CSMD1: variants seen among roughly 807,000 people sequenced by gnomAD.
CSMD1 encodes the protein CUB and sushi domain-containing protein 1.
Under a neutral mutation model 417.5 loss-of-function variants are expected in CSMD1, and 213 were observed. That is an observed-to-expected ratio of 0.51 (90% CI 0.46 to 0.57). The LOEUF (loss-of-function observed/expected upper bound fraction) is 0.57, where lower values mean the gene tolerates loss of function less well. Ranked by LOEUF, CSMD1 falls within the 20% of genes least tolerant of loss-of-function variation. The pLI, the probability that CSMD1 is intolerant of heterozygous loss-of-function variation, is 0.00. For synonymous variants in CSMD1, 2,862 were observed against 1,736.8 expected, an observed-to-expected ratio of 1.65 and a Z score of -16.11; for missense variants, 6,923 against 4,529.7, an observed-to-expected ratio of 1.53 and a Z score of -15.17.
intron 7 of CSMD1, among the ~76,000 whole-genome samples, chr8:3,679,965 T>C (rs1015967085): frequency 2.0e-5 from 3 of 152,024 alleles, no homozygotes; most frequent in African/African-American, 4.8e-5. Context: ...AAGGCAGAAA[T>C]AAAGATGTTC....
intron 9 of CSMD1, among the ~76,000 whole-genome samples, chr8:3,579,069 C>T (rs551645736): frequency 3.9e-5 from 6 of 152,272 alleles, no homozygotes; most frequent in South Asian, 2.1e-4. Context: ...ATAATAACTA[C>T]GACCTAATGT....
chr8:4,950,318 T>C (rs1469471678), intron 1 of CSMD1, among the ~76,000 whole-genome samples: 1 of 152,172 alleles, frequency 6.6e-6, no homozygotes, highest in Admixed American at 6.5e-5. Context: ...TTTTCTCAAG[T>C]GACATTTGCA....
At chr8:3,843,669 G>A (rs1025313701) in intron 5 of CSMD1, among the ~76,000 whole-genome samples, 4 of 152,202 alleles carry the variant, frequency 2.6e-5, no homozygotes, top group Admixed American at 2.6e-4. Flanking sequence ...AGGCCACGGA[G>A]TGAGTGACGG....
intron 1 of CSMD1, among the ~76,000 whole-genome samples, chr8:4,971,256 T>C (rs926881405): frequency 3.9e-5 from 6 of 152,214 alleles, no homozygotes; most frequent in Middle Eastern, 3.4e-3. Context: ...AAAAATTATT[T>C]TATATAAGCC....
intron 3 of CSMD1, among the ~76,000 whole-genome samples, chr8:4,061,998 G>A (rs964944230): frequency 3.3e-5 from 5 of 152,130 alleles, no homozygotes; most frequent in Non-Finnish European, 5.9e-5. Context: ...CCCTGTCTGA[G>A]AGGTCAAGGT....
intron 4 of CSMD1, among the ~76,000 whole-genome samples, chr8:4,006,548 A>T (rs1307223839): frequency 4.6e-5 from 7 of 152,102 alleles, no homozygotes; most frequent in African/African-American, 1.7e-4. Flanking sequence ...GCCTCAGAAT[A>T]AATAAATAAA....
At chr8:4,694,612 C>G (rs780526233) in intron 1 of CSMD1, among the ~76,000 whole-genome samples, 1 of 151,994 alleles carries the variant, frequency 6.6e-6, no homozygotes, top group Non-Finnish European at 1.5e-5. Flanking sequence ...ACCTGCCCAC[C>G]TCAGCCTTCC....
At position 3,052,377 on chromosome 8, in the gene CSMD1, T is replaced by C. The variant is rs985059012; in HGVS notation, c.7660+85A>G. The C allele has an allele frequency of 6.9e-6, 7 of 1,016,578 alleles. No individual in the cohort carries two copies. In the African/African-American group the frequency reaches 8.1e-5, roughly 12 times the overall value. The allele number at this position is 1,016,578 out of a possible 1,614,324, so 63.0% of individuals were successfully genotyped here. ...CTCACAAGGTGTGGGAGAGGACCTC[T>C]GAACGTGGGAACCCGGACTTCTCCC... On this transcript the variant is annotated intron_variant, in intron 50 of 69. Transcript: ENST00000635120.
chr8:3,844,261 G>A (rs79026441), intron 5 of CSMD1, among the ~76,000 whole-genome samples: 4 of 152,188 alleles, frequency 2.6e-5, no homozygotes, highest in Admixed American at 6.5e-5. Context: ...AGTTCCTGAC[G>A]GATGGGTGGG....
At chr8:4,071,615 T>C (rs971921254) in intron 3 of CSMD1, among the ~76,000 whole-genome samples, 1 of 152,168 alleles carries the variant, frequency 6.6e-6, no homozygotes. Context: ...GGCCTTTTAG[T>C]TTTTAATTCT....
At chr8:3,297,754 A>G (rs1442393) in intron 25 of CSMD1, among the ~76,000 whole-genome samples, 80,541 of 152,006 alleles carry the variant, frequency 0.53, 22,601 homozygotes, top group South Asian at 0.64. Flanking sequence ...GGAGCTAGCA[A>G]TCTGGACACA....
chr8:3,026,484 G>GCCTGACTGGACCTCAGTGGA (rs1809938069), intron 51 of CSMD1, among the ~76,000 whole-genome samples: 1 of 151,108 alleles, frequency 6.6e-6, no homozygotes, highest in Non-Finnish European at 1.5e-5. Flanking sequence ...ACCTCACTGG[G>GCCTGACTGGACCTCAGTGGA]CTTGACTGGG....
At chr8:4,976,260 C>T (rs1176836808) in intron 1 of CSMD1, among the ~76,000 whole-genome samples, 1 of 152,154 alleles carries the variant, frequency 6.6e-6, no homozygotes, top group African/African-American at 2.4e-5. Context: ...AAGCAATACA[C>T]CTGCGTAACA....
At chr8:3,821,071 C>G (rs1801710248) in intron 5 of CSMD1, among the ~76,000 whole-genome samples, 1 of 151,944 alleles carries the variant, frequency 6.6e-6, no homozygotes. Context: ...TGTGTGCCAC[C>G]ACACCTGGTT....
intron 2 of CSMD1, among the ~76,000 whole-genome samples, chr8:4,578,332 ATTTTTTTTTTT>A (rs1172600205): frequency 1.0e-3 from 50 of 48,770 alleles, no homozygotes; most frequent in Non-Finnish European, 1.3e-3. Flanking sequence ...CACCCGGCTC[ATTTTTTTTTTT>A]TTTTTTTTTT....
At chr8:4,748,399 A>G (rs955228090) in intron 1 of CSMD1, among the ~76,000 whole-genome samples, 1 of 152,170 alleles carries the variant, frequency 6.6e-6, no homozygotes, top group African/African-American at 2.4e-5. Flanking sequence ...TAAATCTGAA[A>G]CTAAGGAAGT....
chr8:3,282,369 A>C (rs931413610), intron 26 of CSMD1, among the ~76,000 whole-genome samples: 23 of 152,132 alleles, frequency 1.5e-4, no homozygotes, highest in Admixed American at 1.3e-3. Flanking sequence ...AACTACTCTA[A>C]AAAAATAAAA....
intron 1 of CSMD1, among the ~76,000 whole-genome samples, chr8:4,742,245 T>C (rs981831355): frequency 3.3e-5 from 5 of 151,324 alleles, no homozygotes; most frequent in Admixed American, 1.3e-4. Flanking sequence ...TTAGCCAGGA[T>C]GGTCTCGATC....
chr8:4,529,888 AT>A (rs1416047166), intron 2 of CSMD1, among the ~76,000 whole-genome samples: 1 of 100,802 alleles, frequency 9.9e-6, no homozygotes, highest in Non-Finnish European at 2.5e-5. Flanking sequence ...TTTTTTTTAA[AT>A]TTATTTAATT....
Sources: gnomAD v4.1 joint callset for allele counts (sites outside exome capture counted in the v4.1 genomes callset) on GRCh38, gnomAD v4.1.1 for gene constraint, MANE v1.5 for transcripts, NCBI Gene and HGNC (gene_info 2026-07-23, HGNC 2026-07-21) for gene names.